RGS7: variants seen among roughly 807,000 people sequenced by gnomAD.
RGS7 encodes the protein regulator of G-protein signaling 7.
In RGS7, 27 loss-of-function variants were observed where a neutral mutation model predicts 81.1. The observed-to-expected ratio is 0.33, with a 90% CI of 0.25 to 0.46. RGS7 has a LOEUF of 0.46. Ranked by LOEUF, RGS7 falls within the 20% of genes least tolerant of loss-of-function variation. RGS7 has a pLI of 1.00. For missense variants in RGS7, 396 were observed against 607.4 expected, an observed-to-expected ratio of 0.65 and a Z score of 3.66; for synonymous variants, 208 against 207.7, an observed-to-expected ratio of 1.00 and a Z score of -0.01.
At chr1:241,038,035 A>G (rs1371840329) in intron 3 of RGS7, among the ~76,000 whole-genome samples, 1 of 152,204 alleles carries the variant, frequency 6.6e-6, no homozygotes, top group Non-Finnish European at 1.5e-5. Context: ...TAATGGGTAT[A>G]CCAAAATCTC....
chr1:240,885,380 C>A (rs541090739), intron 6 of RGS7, among the ~76,000 whole-genome samples: 54 of 152,188 alleles, frequency 3.5e-4, no homozygotes, highest in Admixed American at 1.2e-3. Context: ...TACCATTGGA[C>A]CCAGCAATCC....
intron 3 of RGS7, among the ~76,000 whole-genome samples, chr1:241,006,865 T>C (rs1415186280): frequency 6.6e-6 from 1 of 152,182 alleles, no homozygotes; most frequent in African/African-American, 2.4e-5. Flanking sequence ...AAGCCCTTTA[T>C]GATGATCAGC....
chr1:241,304,797 T>C (rs1418047205), intron 2 of RGS7, among the ~76,000 whole-genome samples: 1 of 152,216 alleles, frequency 6.6e-6, no homozygotes, highest in Non-Finnish European at 1.5e-5. Context: ...AAAAAATATA[T>C]TTGCACATAT....
chr1:240,972,477 AT>A (rs2148514209), intron 4 of RGS7, among the ~76,000 whole-genome samples: 1 of 132,394 alleles, frequency 7.6e-6, no homozygotes, highest in East Asian at 2.4e-4. Flanking sequence ...ATTCTCACTC[AT>A]AGGTGGGAAT....
intron 5 of RGS7, among the ~76,000 whole-genome samples, chr1:240,934,848 G>T (rs1676314613): frequency 8.0e-6 from 1 of 124,896 alleles, no homozygotes; most frequent in African/African-American, 3.0e-5. Flanking sequence ...TTTCTCCTGT[G>T]TGTATGGTGA....
chr1:240,957,486 C>G (rs1323243076), intron 4 of RGS7, among the ~76,000 whole-genome samples: 1 of 152,158 alleles, frequency 6.6e-6, no homozygotes, highest in African/African-American at 2.4e-5. Flanking sequence ...TAATAAACTC[C>G]CCTTCACATA....
intron 2 of RGS7, among the ~76,000 whole-genome samples, chr1:241,216,206 A>C (rs1269594347): frequency 6.6e-6 from 1 of 152,182 alleles, no homozygotes; most frequent in African/African-American, 2.4e-5. Flanking sequence ...TGGGAGGTAG[A>C]GGTTGTAGTG....
At chr1:240,914,946 AG>A (rs1672351770) in intron 6 of RGS7, among the ~76,000 whole-genome samples, 1 of 152,184 alleles carries the variant, frequency 6.6e-6, no homozygotes, top group Non-Finnish European at 1.5e-5. Flanking sequence ...GCAACTGATT[AG>A]TTGTTCGAGG....
intron 2 of RGS7, among the ~76,000 whole-genome samples, chr1:241,327,080 GAGAA>G (rs75083243): frequency 0.12 from 6,096 of 48,962 alleles, 472 homozygotes; most frequent in Middle Eastern, 0.19. Context: ...AAGGAAGGAA[GAGAA>G]AGAAAGAAAG....
chr1:241,149,213 C>T lies in RGS7; in HGVS notation c.79-50451G>A, dbSNP rs544050811. On this transcript the variant is annotated intron_variant, in intron 2 of 18. Transcript: ENST00000440928. ...TGAAGTCTTGCTCTTGTTGCCCAGG[C>T]TGGAGTGCAGTGGCGCAATCTCGGC... Among the ~76,000 whole-genome samples, 3 of 152,308 alleles carry T rather than the reference C, an allele frequency of 2.0e-5. No homozygotes were observed. In the East Asian group the frequency reaches 5.8e-4, roughly 29 times the overall value.
At chr1:241,110,875 G>A (rs145657505) in intron 2 of RGS7, among the ~76,000 whole-genome samples, 7,520 of 151,886 alleles carry the variant, frequency 0.05, 626 homozygotes, top group African/African-American at 0.17. Context: ...AGTAGAGATG[G>A]GGTTTCACCA....
intron 4 of RGS7, among the ~76,000 whole-genome samples, chr1:240,968,276 C>T (rs918512618): frequency 6.6e-6 from 1 of 152,218 alleles, no homozygotes; most frequent in African/African-American, 2.4e-5. Context: ...CCTCTTCCTA[C>T]GGGCATTCAG....
chr1:241,196,445 G>A (rs1439717753), intron 2 of RGS7, among the ~76,000 whole-genome samples: 2 of 151,970 alleles, frequency 1.3e-5, no homozygotes, highest in Non-Finnish European at 2.9e-5. Context: ...ATTCATTTAA[G>A]CCTCAAAATA....
chr1:240,823,188 G>A, intron 10 of RGS7: 1 of 977,332 alleles, frequency 1.0e-6, no homozygotes, highest in South Asian at 1.3e-5. Flanking sequence ...AGGTATGCAG[G>A]ATAAGCGTGT....
At chr1:241,270,037 A>G (rs1417185996) in intron 2 of RGS7, among the ~76,000 whole-genome samples, 2 of 152,224 alleles carry the variant, frequency 1.3e-5, no homozygotes, top group African/African-American at 4.8e-5. Flanking sequence ...TTTTAAGAAT[A>G]AACTCAGGGA....
Position 240,856,057 on chromosome 1 carries a change from A to C in RGS7, c.609+12530T>G, listed in dbSNP as rs866425175. Among the ~76,000 whole-genome samples, 12 of 152,180 alleles carry C rather than the reference A, an allele frequency of 7.9e-5. 1 individual carries two copies. Among genetic ancestry groups the C allele is most frequent in the Middle Eastern group, 3.4e-3 (1 of 294 alleles). Reference sequence around the variant, plus strand: ...AATCATGATATTTCTGAATTGTTTAATTATTTTATACATTCAGAATATCAA... The same window carrying C: ...AATCATGATATTTCTGAATTGTTTACTTATTTTATACATTCAGAATATCAA... On this transcript the variant is annotated intron_variant, in intron 9 of 18. Coordinates refer to ENST00000440928, the MANE Select transcript of RGS7 (RefSeq NM_001364886.1).
At chr1:241,050,208 A>AG (rs1322930104) in intron 3 of RGS7, among the ~76,000 whole-genome samples, 3 of 152,144 alleles carry the variant, frequency 2.0e-5, no homozygotes, top group Non-Finnish European at 2.9e-5. Flanking sequence ...TCCTGAAGAT[A>AG]GATGGCACAG....
chr1:240,813,795 G>C (rs1690306534), intron 12 of RGS7, 67 bp from the exon 13 acceptor site: 1 of 996,030 alleles, frequency 1.0e-6, no homozygotes, highest in South Asian at 1.3e-5. Flanking sequence ...TCCAAAGCAG[G>C]GAAAACAATA....
intron 2 of RGS7, among the ~76,000 whole-genome samples, chr1:241,343,415 T>C (rs1021416977): frequency 3.3e-5 from 5 of 152,182 alleles, no homozygotes; most frequent in Non-Finnish European, 7.3e-5. Flanking sequence ...AAGGTAGCAG[T>C]AACCCAACTG....
Sources: gnomAD v4.1 joint callset for allele counts (sites outside exome capture counted in the v4.1 genomes callset) on GRCh38, gnomAD v4.1.1 for gene constraint, MANE v1.5 for transcripts, NCBI Gene and HGNC (gene_info 2026-07-23, HGNC 2026-07-21) for gene names.